Variants in RANBP2 observed in about 807,000 individuals in gnomAD.
The protein encoded by RANBP2 is RAN binding protein 2, also known as E3 SUMO-protein ligase RanBP2.
In RANBP2, 57 loss-of-function variants were observed where a neutral mutation model predicts 303.6. The ratio of observed to expected loss-of-function variants is 0.19; its 90% CI spans 0.15 to 0.23. RANBP2 has a LOEUF of 0.23. RANBP2 is among the 10% of genes least tolerant of loss of function. The pLI, the probability that RANBP2 is intolerant of heterozygous loss-of-function variation, is 1.00. For missense variants in RANBP2, 3,138 were observed against 3,780.8 expected (o/e 0.83, Z 4.46); for synonymous variants, 1,167 against 1,301.5 (o/e 0.90, Z 2.23).
chr2:109,650,161 C>T, the RANBP2 span, among the ~76,000 whole-genome samples: 4 of 152,186 alleles, frequency 2.6e-5, no homozygotes, highest in African/African-American at 7.2e-5. Flanking sequence ...CCATAAGGCT[C>T]ATCATCATAC....
the RANBP2 span, among the ~76,000 whole-genome samples, chr2:109,105,964 C>T: frequency 1.3e-5 from 2 of 151,836 alleles, no homozygotes; most frequent in Admixed American, 6.6e-5. Context: ...AGCAATTCTC[C>T]TGCCTCAGCC....
At chr2:109,584,408 G>A in the RANBP2 span, among the ~76,000 whole-genome samples, 2 of 146,460 alleles carry the variant, frequency 1.4e-5, no homozygotes, top group Admixed American at 1.4e-4. Context: ...TGGGGAGGTG[G>A]AGGTTGCAGT....
the RANBP2 span, among the ~76,000 whole-genome samples, chr2:109,679,687 C>T: frequency 6.6e-6 from 1 of 152,180 alleles, no homozygotes; most frequent in Non-Finnish European, 1.5e-5. Context: ...TCAGACCATC[C>T]TTGCTTATAT....
the RANBP2 span, among the ~76,000 whole-genome samples, chr2:109,064,581 T>G: frequency 6.6e-6 from 1 of 151,978 alleles, no homozygotes; most frequent in African/African-American, 2.4e-5. Context: ...GTGTTAAATG[T>G]GCTGTAATGG....
At chr2:108,992,384 C>T in the RANBP2 span, among the ~76,000 whole-genome samples, 2 of 152,086 alleles carry the variant, frequency 1.3e-5, no homozygotes, top group African/African-American at 2.4e-5. Context: ...ACTTCTTGGC[C>T]GTGATAAGCA....
the RANBP2 span, among the ~76,000 whole-genome samples, chr2:109,583,449 C>T: frequency 6.6e-6 from 1 of 152,156 alleles, no homozygotes; most frequent in Non-Finnish European, 1.5e-5. Flanking sequence ...TACCATCTCA[C>T]AACAGTCAGA....
At position 108,742,285 on chromosome 2, in the gene RANBP2, C is replaced by G. The variant is rs540309213; in HGVS notation, c.975+1604C>G. ...TGCTGGGATTACAGGCAGTGAGCCA[C>G]CATGCCCTGCCTAATATAAATCTTT... On this transcript the variant is annotated intron_variant, in intron 7 of 28. Coordinates refer to ENST00000283195, the MANE Select transcript of RANBP2 (RefSeq NM_006267.5). Among the ~76,000 whole-genome samples the G allele has an allele frequency of 7.9e-5, 12 of 151,938 alleles. No homozygotes were observed. The South Asian group carries it at 1.0e-3, about 13-fold the overall frequency.
At chr2:109,432,565 A>T in the RANBP2 span, 2 of 1,613,636 alleles carry the variant, frequency 1.2e-6, no homozygotes, top group Non-Finnish European at 8.5e-7. Flanking sequence ...CAAGGGAGAG[A>T]TGTACCGGGT....
the RANBP2 span, among the ~76,000 whole-genome samples, chr2:109,223,148 C>A: frequency 6.6e-6 from 1 of 152,248 alleles, no homozygotes; most frequent in Non-Finnish European, 1.5e-5. Flanking sequence ...GAGGTTGCCA[C>A]CTTCTCCTGA....
the RANBP2 span, among the ~76,000 whole-genome samples, chr2:109,373,777 C>T: frequency 6.6e-6 from 1 of 152,132 alleles, no homozygotes; most frequent in Non-Finnish European, 1.5e-5. Flanking sequence ...ACTGCAATTT[C>T]AAAAGCTAAG....
the RANBP2 span, among the ~76,000 whole-genome samples, chr2:108,954,764 C>T: frequency 6.6e-6 from 1 of 152,000 alleles, no homozygotes; most frequent in Non-Finnish European, 1.5e-5. Context: ...CAACCTCCAC[C>T]TCCCAGGTTC....
the RANBP2 span, among the ~76,000 whole-genome samples, chr2:109,439,627 C>G: frequency 3.3e-5 from 5 of 152,134 alleles, no homozygotes; most frequent in African/African-American, 1.2e-4. Context: ...AATGTAACTC[C>G]TTTCCCAAAG....
At chr2:108,834,214 AT>A in the RANBP2 span, among the ~76,000 whole-genome samples, 2,095 of 139,546 alleles carry the variant, frequency 0.015, 19 homozygotes, top group Non-Finnish European at 0.024. Context: ...CATCTTTGAA[AT>A]TTTTTTTTTT....
At chr2:109,571,498 G>A in the RANBP2 span, among the ~76,000 whole-genome samples, 2 of 152,164 alleles carry the variant, frequency 1.3e-5, no homozygotes, top group Non-Finnish European at 2.9e-5. Context: ...AATGGTAAGT[G>A]TGTGTATGTA....
the RANBP2 span, among the ~76,000 whole-genome samples, chr2:109,693,478 T>A: frequency 1.3e-5 from 2 of 152,108 alleles, no homozygotes; most frequent in Non-Finnish European, 2.9e-5. Context: ...TGGTGGCAGA[T>A]AATTGAATCA....
At chr2:108,901,399 C>T in the RANBP2 span, among the ~76,000 whole-genome samples, 5 of 152,112 alleles carry the variant, frequency 3.3e-5, no homozygotes, top group Non-Finnish European at 7.4e-5. Context: ...AATCTAAGCT[C>T]CCATTTCAAG....
At chr2:109,314,014 C>T in the RANBP2 span, among the ~76,000 whole-genome samples, 6 of 152,118 alleles carry the variant, frequency 3.9e-5, no homozygotes, top group African/African-American at 1.4e-4. Context: ...GAGTACCAGG[C>T]TGTGGGACAC....
chr2:109,457,460 T>G, the RANBP2 span, among the ~76,000 whole-genome samples: 1 of 152,248 alleles, frequency 6.6e-6, no homozygotes, highest in Non-Finnish European at 1.5e-5. Context: ...GTAAGTCATG[T>G]GTAATAGTTG....
chr2:109,472,894 C>G, the RANBP2 span, among the ~76,000 whole-genome samples: 1 of 152,186 alleles, frequency 6.6e-6, no homozygotes, highest in South Asian at 2.1e-4. Flanking sequence ...CCTGCTCCAG[C>G]CTCTTATTTC....
Sources: gnomAD v4.1 joint callset for allele counts (sites outside exome capture counted in the v4.1 genomes callset) on GRCh38, gnomAD v4.1.1 for gene constraint, MANE v1.5 for transcripts, NCBI Gene and HGNC (gene_info 2026-07-23, HGNC 2026-07-21) for gene names.